CPNE8: variants seen among roughly 807,000 people sequenced by gnomAD.
CPNE8 encodes copine 8.
In CPNE8, 45 loss-of-function variants were observed where a neutral mutation model predicts 81.5. The ratio of observed to expected loss-of-function variants is 0.55; its 90% CI spans 0.44 to 0.71. The LOEUF is 0.71. CPNE8 is among the 30% of genes least tolerant of loss of function. CPNE8 has a pLI of 0.00. For synonymous variants in CPNE8, 252 were observed against 226.3 expected (o/e 1.11, Z -1.02); for missense variants, 594 against 672.1 (o/e 0.88, Z 1.28).
In CPNE8 at chr12:38,657,808, A is replaced by T. The variant is rs149735666; in HGVS notation, c.1507-3738T>A. ...ACTCTAAAAGACCTGCAGCTGAGGG[A>T]CCTGTTAGAAGGATAACTAACAAAC... On this transcript the variant is annotated intron_variant, in intron 19 of 19. Coordinates refer to ENST00000331366, the MANE Select transcript of CPNE8 (RefSeq NM_153634.3). Among the ~76,000 whole-genome samples the T allele has an allele frequency of 4.7e-3, 715 of 152,302 alleles. 5 individuals are homozygous for T. Among genetic ancestry groups the T allele is most frequent in the African/African-American group, 0.016 (665 of 41,572 alleles).
intron 6 of CPNE8, among the ~76,000 whole-genome samples, chr12:38,824,993 G>A (rs1050234244): frequency 3.3e-5 from 5 of 152,238 alleles, no homozygotes; most frequent in East Asian, 3.9e-4. Context: ...TTAACCAGAC[G>A]GTTAAAGATA....
intron 13 of CPNE8, among the ~76,000 whole-genome samples, chr12:38,705,500 T>C (rs1383075357): frequency 6.6e-6 from 1 of 152,170 alleles, no homozygotes; most frequent in Non-Finnish European, 1.5e-5. Flanking sequence ...AGAGTAGAAA[T>C]CAGGTTTATA....
chr12:38,811,694 G>C (rs1359087626), intron 6 of CPNE8, among the ~76,000 whole-genome samples: 2 of 152,030 alleles, frequency 1.3e-5, no homozygotes, highest in African/African-American at 4.8e-5. Flanking sequence ...GTCTCTACAA[G>C]AAACAAACAA....
chr12:38,902,511 C>A (rs183403794), intron 1 of CPNE8, among the ~76,000 whole-genome samples: 1 of 152,142 alleles, frequency 6.6e-6, no homozygotes, highest in African/African-American at 2.4e-5. Flanking sequence ...GAAGTGTGGG[C>A]AAATCCTCAG....
chr12:38,746,001 C>G (rs968693016), intron 10 of CPNE8, among the ~76,000 whole-genome samples: 2 of 152,086 alleles, frequency 1.3e-5, no homozygotes, highest in Admixed American at 1.3e-4. Flanking sequence ...AATAAAAGCT[C>G]TCCAGGTGAT....
At chr12:38,789,633 G>T (rs566666666) in intron 6 of CPNE8, among the ~76,000 whole-genome samples, 1 of 151,746 alleles carries the variant, frequency 6.6e-6, no homozygotes, top group South Asian at 2.1e-4. Flanking sequence ...CACAGCATAG[G>T]AAACAATCAA....
chr12:38,730,171 T>C (rs960368694), intron 11 of CPNE8, 112 bp downstream of exon 11: 19 of 693,630 alleles, frequency 2.7e-5, no homozygotes, highest in Non-Finnish European at 4.8e-5. Flanking sequence ...GATTCTTACA[T>C]ACACTGATAC....
rs1314261090 is a variant in CPNE8, at chr12:38,806,025, C to A, written c.407+23354G>T. On this transcript the variant is annotated intron_variant, in intron 6 of 19. Coordinates refer to ENST00000331366, the MANE Select transcript of CPNE8 (RefSeq NM_153634.3). ...TAGAAGAAATGGATAAATTCCTTGA[C>A]ACATACACCCTCCCAAGACTAAAGC... 1.3e-5 allele frequency among the ~76,000 whole-genome samples: 2 copies of A among 150,234 alleles called. 1 individual carries two copies. Among genetic ancestry groups the A allele is most frequent in the Non-Finnish European group, 3.0e-5 (2 of 67,440 alleles).
At chr12:38,752,618 G>T (rs1016627163) in intron 10 of CPNE8, among the ~76,000 whole-genome samples, 1 of 152,122 alleles carries the variant, frequency 6.6e-6, no homozygotes, top group Non-Finnish European at 1.5e-5. Flanking sequence ...AGAGAGAAAA[G>T]GCAGATTTAG....
chr12:38,826,893 G>T (rs1267354740), intron 6 of CPNE8, among the ~76,000 whole-genome samples: 1 of 151,664 alleles, frequency 6.6e-6, no homozygotes, highest in Non-Finnish European at 1.5e-5. Flanking sequence ...ACATAGGCTG[G>T]GTGCAGTGGC....
In CPNE8 at chr12:38,721,426, C is replaced by T. The variant is rs184313916; in HGVS notation, c.914+2346G>A. ...GAGGAGCTTCCCACTCCAGGGTCCC[C>T]TCTCTGCTAGGAGCTAAACACTAGG... On this transcript the variant is annotated intron_variant, in intron 13 of 19. Coordinates refer to ENST00000331366, the MANE Select transcript of CPNE8 (RefSeq NM_153634.3). 5.1e-4 allele frequency among the ~76,000 whole-genome samples: 77 copies of T among 152,164 alleles called. No homozygotes were observed. The East Asian group carries it at 0.012, about 23-fold the overall frequency.
chr12:38,902,419 A>AAAGAAAGAAAGAAAGAAAGAAAG (rs1565670435), intron 1 of CPNE8, among the ~76,000 whole-genome samples: 2 of 99,498 alleles, frequency 2.0e-5, no homozygotes, highest in East Asian at 2.6e-4. Flanking sequence ...AAGAAAGAAA[A>AAAGAAAGAAAGAAAGAAAGAAAG]AGAAAGAAAG....
intron 12 of CPNE8, among the ~76,000 whole-genome samples, chr12:38,724,527 G>A (rs1288207552): frequency 6.6e-6 from 1 of 152,072 alleles, no homozygotes; most frequent in Non-Finnish European, 1.5e-5. Flanking sequence ...TACCACTTGT[G>A]TTTTTTACAT....
intron 1 of CPNE8, among the ~76,000 whole-genome samples, chr12:38,902,223 GAGA>G (rs1944474332): frequency 1.8e-5 from 2 of 111,336 alleles, no homozygotes; most frequent in South Asian, 2.6e-4. Context: ...GAAAGAGAAA[GAGA>G]AAGAAGGAAA....
intron 10 of CPNE8, among the ~76,000 whole-genome samples, chr12:38,752,716 C>T (rs1387734421): frequency 3.9e-5 from 6 of 152,122 alleles, no homozygotes; most frequent in Non-Finnish European, 2.9e-5. Flanking sequence ...ACTCTAAAGG[C>T]CTCTTCTAGC....
At chr12:38,753,963 C>T (rs778608156) in intron 10 of CPNE8, among the ~76,000 whole-genome samples, 44 of 152,046 alleles carry the variant, frequency 2.9e-4, no homozygotes, top group Non-Finnish European at 4.0e-4. Flanking sequence ...AGATAAGAGA[C>T]GATTACTGTG....
At chr12:38,754,106 A>C (rs1307853995) in intron 10 of CPNE8, among the ~76,000 whole-genome samples, 4 of 152,212 alleles carry the variant, frequency 2.6e-5, no homozygotes, top group Non-Finnish European at 2.9e-5. Flanking sequence ...GTACAAGGAA[A>C]ACCTTCATAC....
intron 13 of CPNE8, among the ~76,000 whole-genome samples, chr12:38,718,967 C>T (rs1940480498): frequency 6.6e-6 from 1 of 151,890 alleles, no homozygotes. Context: ...AGTGTGATCC[C>T]ATGATTATAA....
intron 6 of CPNE8, among the ~76,000 whole-genome samples, chr12:38,805,820 G>T (rs182997135): frequency 6.7e-6 from 1 of 149,578 alleles, no homozygotes; most frequent in South Asian, 2.2e-4. Context: ...CCAGGAGCTG[G>T]TTTTTTGAAA....
Sources: gnomAD v4.1 joint callset for allele counts (sites outside exome capture counted in the v4.1 genomes callset) on GRCh38, gnomAD v4.1.1 for gene constraint, MANE v1.5 for transcripts, NCBI Gene and HGNC (gene_info 2026-07-23, HGNC 2026-07-21) for gene names.